The following SCMH1 variants were observed in gnomAD, a reference collection of about 807,000 sequenced individuals.
The protein encoded by SCMH1 is Scm polycomb group protein homolog 1.
SCMH1 carries 37 observed loss-of-function variants against 70.8 expected under a neutral mutation model. That is an observed-to-expected ratio of 0.52 (90% confidence interval 0.40 to 0.69). SCMH1 has a LOEUF of 0.69. SCMH1 is among the 30% of genes least tolerant of loss of function. The pLI is 0.00. For synonymous variants in SCMH1, 292 were observed against 307.4 expected (o/e 0.95, Z 0.52); for missense variants, 607 against 827.3 (o/e 0.73, Z 3.27).
intron 2 of SCMH1, among the ~76,000 whole-genome samples, chr1:41,183,663 AG>A (rs951442553): frequency 5.3e-5 from 8 of 152,168 alleles, no homozygotes; most frequent in Non-Finnish European, 1.0e-4. Flanking sequence ...GAAAAAAAAA[AG>A]TTGTCTTTTT....
chr1:41,099,401 A>G (rs901462362), intron 8 of SCMH1, among the ~76,000 whole-genome samples: 2 of 152,224 alleles, frequency 1.3e-5, no homozygotes, highest in African/African-American at 4.8e-5. Flanking sequence ...AAAATCACAG[A>G]TGGAAACCTA....
intron 1 of SCMH1, among the ~76,000 whole-genome samples, chr1:41,216,163 G>A (rs953357765): frequency 1.3e-5 from 2 of 152,100 alleles, no homozygotes; most frequent in Non-Finnish European, 2.9e-5. Flanking sequence ...CTTATTTATC[G>A]CTAGAGCTAG....
In SCMH1 at chr1:41,113,521, T is replaced by C. The variant is rs1474196333; in HGVS notation, c.507A>G (p.Pro169=). 6.2e-7 allele frequency: 1 copy of C among 1,613,214 alleles called. No homozygotes were observed. The highest frequency in any genetic ancestry group is 8.5e-7 in the Non-Finnish European group (1 of 1,179,576). The stretch of plus-strand genomic sequence containing the variant: ...TGAAGAAGTTGTGGGAAGGCGATGG[T>C]GGCTCCTAGATGAGAAACAGAAACA... Residue 169 remains proline, a synonymous_variant, in exon 8 of 15, where the codon CCA becomes CCG. Transcript: ENST00000337495. This position sits in a 1 kb window ranked among gnomAD's most constrained non-coding sequence, Gnocchi z 4.3.
intron 1 of SCMH1, among the ~76,000 whole-genome samples, chr1:41,204,766 T>C (rs1015888836): frequency 1.3e-5 from 2 of 152,204 alleles, no homozygotes; most frequent in Non-Finnish European, 2.9e-5. Context: ...ATATTTTCCA[T>C]ATCTATTTAT....
At chr1:41,075,318 C>G in exon 9 of SCMH1, 3 of 1,614,138 alleles carry the variant, frequency 1.9e-6, no homozygotes, top group Non-Finnish European at 2.5e-6. Flanking sequence ...TCTTGGGTGT[C>G]CGGCCCCGCT....
intron 6 of SCMH1, among the ~76,000 whole-genome samples, chr1:41,117,712 T>C (rs1217503995): frequency 6.6e-6 from 1 of 152,222 alleles, no homozygotes; most frequent in East Asian, 1.9e-4. Flanking sequence ...GTGAAAGTAC[T>C]AAAAGTCTCT....
At chr1:41,085,069 A>G (rs35395205) in intron 8 of SCMH1, among the ~76,000 whole-genome samples, 16,286 of 151,520 alleles carry the variant, frequency 0.11, 1,237 homozygotes, top group East Asian at 0.28. Context: ...TGGCACATGT[A>G]TACATATGTA....
At chr1:41,028,807 G>GCACT in intron 13 of SCMH1, 81 bp from the exon 15 acceptor site, 1 of 1,482,840 alleles carries the variant, frequency 6.7e-7, no homozygotes, top group Non-Finnish European at 9.3e-7. Context: ...ACATCTCAGT[G>GCACT]GCCTTCTAGG....
At chr1:41,230,267 C>T (rs1246740678) in intron 1 of SCMH1, among the ~76,000 whole-genome samples, 1 of 151,932 alleles carries the variant, frequency 6.6e-6, no homozygotes, top group Non-Finnish European at 1.5e-5. Context: ...GTGGCTTAGA[C>T]TAGAATGAAG....
At chr1:41,149,684 G>A in intron 5 of SCMH1, among the ~76,000 whole-genome samples, 1 of 152,094 alleles carries the variant, frequency 6.6e-6, no homozygotes, top group East Asian at 1.9e-4. Flanking sequence ...GATTTGTCAG[G>A]CCGGACTGAA....
intron 2 of SCMH1, among the ~76,000 whole-genome samples, chr1:41,173,921 T>C (rs1367323908): frequency 6.6e-6 from 1 of 151,890 alleles, no homozygotes; most frequent in Non-Finnish European, 1.5e-5. Flanking sequence ...GACCTCATAG[T>C]AGACAGAATA....
chr1:41,046,417 C>A (rs773538391), exon 12 of SCMH1: 1 of 1,614,028 alleles, frequency 6.2e-7, no homozygotes, highest in South Asian at 1.1e-5. Flanking sequence ...CTGGTAGGTA[C>A]CTGTCGTGGC....
At chr1:41,032,303 G>T (rs975054969) in intron 13 of SCMH1, among the ~76,000 whole-genome samples, 4 of 152,208 alleles carry the variant, frequency 2.6e-5, no homozygotes, top group Non-Finnish European at 5.9e-5. Context: ...ATGAGGGCAG[G>T]TGGTAGGAAG....
intron 12 of SCMH1, among the ~76,000 whole-genome samples, chr1:41,045,237 G>C (rs1451646351): frequency 6.6e-6 from 1 of 152,184 alleles, no homozygotes; most frequent in East Asian, 1.9e-4. Flanking sequence ...AAGCAATCTA[G>C]CATGGGTTAG....
chr1:41,179,265 T>C (rs1186725784), intron 2 of SCMH1, among the ~76,000 whole-genome samples: 1 of 151,994 alleles, frequency 6.6e-6, no homozygotes, highest in African/African-American at 2.4e-5. Context: ...CAGCACTAAA[T>C]GCTCACAAGA....
At chr1:41,042,283 C>T (rs2300657) in intron 12 of SCMH1, among the ~76,000 whole-genome samples, 11,811 of 151,430 alleles carry the variant, frequency 0.078, 594 homozygotes, top group South Asian at 0.13. Flanking sequence ...GAGTTTCGCT[C>T]TGTCATCCAG....
intron 6 of SCMH1, among the ~76,000 whole-genome samples, chr1:41,134,457 T>G (rs1642941843): frequency 1.3e-5 from 2 of 152,096 alleles, no homozygotes; most frequent in Admixed American, 6.6e-5. Flanking sequence ...GAGAAAGAAA[T>G]AAAGGGTATT....
intron 1 of SCMH1, among the ~76,000 whole-genome samples, chr1:41,225,279 T>C (rs190419566): frequency 3.3e-5 from 5 of 152,334 alleles, no homozygotes; most frequent in Middle Eastern, 3.4e-3. Flanking sequence ...TTAGTATATA[T>C]GTCATACTCA....
intron 1 of SCMH1, among the ~76,000 whole-genome samples, chr1:41,203,137 G>T (rs185243059): frequency 6.6e-6 from 1 of 151,850 alleles, no homozygotes; most frequent in Non-Finnish European, 1.5e-5. Context: ...TACATTATTT[G>T]TATAGTGTCT....
Sources: gnomAD v4.1 joint callset for allele counts (sites outside exome capture counted in the v4.1 genomes callset) on GRCh38, gnomAD v4.1.1 for gene constraint, Gnocchi (gnomAD v3.1) non-coding constraint, MANE v1.5 for transcripts, NCBI Gene and HGNC (gene_info 2026-07-23, HGNC 2026-07-21) for gene names.